The following IQCE variants were observed in gnomAD, a reference collection of about 807,000 sequenced individuals.
The protein encoded by IQCE is IQ domain-containing protein E.
Under a neutral mutation model 96.0 loss-of-function variants are expected in IQCE, and 115 were observed. The ratio of observed to expected loss-of-function variants is 1.20; its 90% CI spans 1.03 to 1.40. IQCE has a LOEUF of 1.40. Among genes scored for constraint, IQCE ranks in the 40% most tolerant of loss-of-function variants. The pLI, the probability that IQCE is intolerant of heterozygous loss-of-function variation, is 0.00. For synonymous variants in IQCE, 412 were observed against 371.2 expected (o/e 1.11, Z -1.26); for missense variants, 1,041 against 909.1 (o/e 1.15, Z -1.87).
Position 2,572,322 on chromosome 7 carries a change from C to G in IQCE, c.390C>G (p.Ser130Arg), listed in dbSNP as rs568412600. The G allele has an allele frequency of 6.2e-7, 1 of 1,613,686 alleles. No individual in the cohort carries two copies. The highest frequency in any genetic ancestry group is 8.5e-7 in the Non-Finnish European group (1 of 1,179,810). ...VKRPHLRRSASNGHVPGTPVY... is the reference protein window; with the variant it reads ...VKRPHLRRSARNGHVPGTPVY... The stretch of plus-strand genomic sequence containing the variant: ...GGCCACATCTCAGGCGCTCTGCCAG[C>G]AACGGTGAGCATGCCGATGGTGGCG... The change falls in exon 5 of 22, where the codon AGC (serine) becomes AGG (arginine). Residue 130 changes from serine to arginine, a missense_variant. By Grantham distance (110) the Ser-to-Arg change is moderately radical. Coordinates refer to ENST00000402050, the MANE Select transcript of IQCE (RefSeq NM_152558.5).
chr7:2,614,716 G>GTTT lies in IQCE; in HGVS notation c.*4556_*4558dup, dbSNP rs1785228348. 1 of 149,872 alleles carries GTTT rather than the reference G, an allele frequency of 6.7e-6. No individual in the cohort carries two copies. The highest frequency in any genetic ancestry group is 2.1e-4 in the South Asian group (1 of 4,838). 9.3% of individuals were successfully genotyped at this position (149,872 alleles called of 1,614,324 possible). A position where few individuals can be genotyped will look rare whatever the true frequency, so the allele number is the denominator to read the frequency against. On this transcript the variant is annotated 3_prime_UTR_variant, in exon 22 of 22. Transcript: ENST00000402050. ...TTATTGGCCTTTTAAATAAAAAGTT[G>GTTT]TTTTGCAGTGTGCCTTGAGTGCCCC...
At chr7:2,584,370 G>C (rs946121280) in intron 11 of IQCE, 85 bp downstream of exon 11, 1 of 1,288,268 alleles carries the variant, frequency 7.8e-7, no homozygotes, top group African/African-American at 1.5e-5. Context: ...TGTCACGTGG[G>C]TGCGGCATAT....
chr7:2,598,594 A>G lies in IQCE; in HGVS notation c.1570A>G (p.Arg524Gly), dbSNP rs757267746. 12 of 1,596,372 alleles carry G rather than the reference A, an allele frequency of 7.5e-6. No homozygotes were observed. The highest frequency in any genetic ancestry group is 1.0e-5 in the Non-Finnish European group (12 of 1,171,962). Residue 524 changes from arginine (R) to glycine (G), a missense_variant, in exon 17 of 22, where the codon AGA (arginine) becomes GGA (glycine). By Grantham distance (125) the Arg-to-Gly change is moderately radical. Transcript: ENST00000402050. ...TGATGGGAGAAGAGACGCCGCGGCCAGAGTCCTGCAGGCCCAGTGGAAGGT... is the reference window on the plus strand; with the variant it reads ...TGATGGGAGAAGAGACGCCGCGGCCGGAGTCCTGCAGGCCCAGTGGAAGGT... Reference protein sequence around the residue: ...CSDGRRDAAARVLQAQWKVYK... With the variant: ...CSDGRRDAAAGVLQAQWKVYK...
chr7:2,570,144 G>A (rs73289678), intron 3 of IQCE, among the ~76,000 whole-genome samples: 1 of 152,104 alleles, frequency 6.6e-6, no homozygotes, highest in South Asian at 2.1e-4. Context: ...ACCACGTTCC[G>A]AGGCTTTTCA....
At chr7:2,609,176 G>C (rs181023068) in intron 21 of IQCE, among the ~76,000 whole-genome samples, 35 of 152,254 alleles carry the variant, frequency 2.3e-4, no homozygotes, top group Non-Finnish European at 4.6e-4. Context: ...TGGATTAAAA[G>C]TTTGGAACGC....
chr7:2,607,540 A>G, intron 21 of IQCE: 1 of 1,281,474 alleles, frequency 7.8e-7, no homozygotes, highest in Non-Finnish European at 9.8e-7. Context: ...TTGTTGAGTA[A>G]AACCGTGTTA....
intron 1 of IQCE, among the ~76,000 whole-genome samples, chr7:2,566,387 G>A (rs1202271836): frequency 6.6e-6 from 1 of 150,986 alleles, no homozygotes; most frequent in East Asian, 1.9e-4. Context: ...GAATAAGAAG[G>A]CAAGAACCTT....
Position 2,564,338 on chromosome 7 carries a change from T to C in IQCE, c.37-2778T>C, listed in dbSNP as rs1781202686. On this transcript the variant is annotated intron_variant, in intron 1 of 21. Coordinates refer to ENST00000402050, the MANE Select transcript of IQCE (RefSeq NM_152558.5). Reference sequence around the variant, plus strand: ...GGCCAGGCACAGTGACTCACACCTATAGCCCCAGCACTTTGGGAGGCTGAG... The same window carrying C: ...GGCCAGGCACAGTGACTCACACCTACAGCCCCAGCACTTTGGGAGGCTGAG... Among the ~76,000 whole-genome samples the C allele has an allele frequency of 2.6e-5, 4 of 152,126 alleles. No homozygotes were observed. The South Asian group carries it at 6.2e-4, about 24-fold the overall frequency.
At chr7:2,602,941 G>C (rs1784533984) in intron 18 of IQCE, among the ~76,000 whole-genome samples, 2 of 152,162 alleles carry the variant, frequency 1.3e-5, no homozygotes, top group Non-Finnish European at 2.9e-5. Flanking sequence ...CAGCTGGACT[G>C]CCCACCTGGC....
chr7:2,604,243 C>T (rs577579714), intron 18 of IQCE, among the ~76,000 whole-genome samples: 1 of 152,264 alleles, frequency 6.6e-6, no homozygotes, highest in Non-Finnish European at 1.5e-5. Context: ...CCACCCCAGC[C>T]TCCCAAAGCA....
intron 8 of IQCE, among the ~76,000 whole-genome samples, chr7:2,580,729 A>C (rs1782600251): frequency 1.3e-5 from 2 of 151,886 alleles, no homozygotes; most frequent in Non-Finnish European, 2.9e-5. Context: ...TGTTAGAATA[A>C]AAAAAAAGAA....
At chr7:2,588,334 T>TGTTTTG (rs1034371033) in intron 13 of IQCE, among the ~76,000 whole-genome samples, 7 of 152,118 alleles carry the variant, frequency 4.6e-5, no homozygotes, top group Non-Finnish European at 5.9e-5. Context: ...ATTGGACCTT[T>TGTTTTG]GTTTTGTTTT....
chr7:2,565,256 CGTGT>C (rs139694552), intron 1 of IQCE, among the ~76,000 whole-genome samples: 1 of 148,354 alleles, frequency 6.7e-6, no homozygotes, highest in Non-Finnish European at 1.5e-5. Flanking sequence ...TGTGTGCATG[CGTGT>C]GTGTGTGTGC....
chr7:2,606,065 G>A, intron 20 of IQCE, 68 bp downstream of exon 20: 10 of 1,516,818 alleles, frequency 6.6e-6, no homozygotes, highest in South Asian at 1.3e-5. Context: ...CACTGGGCCC[G>A]GAGCACTGGG....
intron 6 of IQCE, among the ~76,000 whole-genome samples, chr7:2,573,829 C>A (rs1371068821): frequency 6.6e-6 from 1 of 152,202 alleles, no homozygotes; most frequent in Non-Finnish European, 1.5e-5. Flanking sequence ...TCATCAGTAA[C>A]CTTCCATGCA....
At chr7:2,565,903 G>A (rs1200478511) in intron 1 of IQCE, among the ~76,000 whole-genome samples, 1 of 152,202 alleles carries the variant, frequency 6.6e-6, no homozygotes, top group Non-Finnish European at 1.5e-5. Context: ...CATTGCACTT[G>A]TGTCCTGGCC....
intron 8 of IQCE, among the ~76,000 whole-genome samples, chr7:2,580,958 C>G (rs1782619403): frequency 6.6e-6 from 1 of 152,018 alleles, no homozygotes; most frequent in Admixed American, 6.5e-5. Flanking sequence ...TCCAGCTACT[C>G]AGCTACTCCT....
intron 1 of IQCE, among the ~76,000 whole-genome samples, chr7:2,565,153 T>TGTGTGC (rs1491178850): frequency 6.8e-6 from 1 of 146,480 alleles, no homozygotes; most frequent in African/African-American, 2.5e-5. Flanking sequence ...TGTGTGTGTG[T>TGTGTGC]GCTGTGTATG....
Position 2,586,211 on chromosome 7 carries a change from C to T in IQCE, c.828C>T (p.Pro276=), listed in dbSNP as rs376928054. 213 of 1,613,276 alleles carry T rather than the reference C, an allele frequency of 1.3e-4. No individual in the cohort carries two copies. Among genetic ancestry groups the T allele is most frequent in the Non-Finnish European group, 1.7e-4 (204 of 1,179,810 alleles). Residue 276 remains proline, a synonymous_variant, in exon 12 of 22, where the codon CCC becomes CCT. Transcript: ENST00000402050. ...GTCCACGATTTGGTTGTTCCAGGCC[C>T]CTGGGGGAGAAGAAGACGGGCGCCA... ...LASSETTGKK[P]LGEKKTGAKR...
Sources: gnomAD v4.1 joint callset for allele counts (sites outside exome capture counted in the v4.1 genomes callset) on GRCh38, gnomAD v4.1.1 for gene constraint, MANE v1.5 for transcripts, NCBI Gene and HGNC (gene_info 2026-07-23, HGNC 2026-07-21) for gene names.